Variants in PTPRD observed in about 807,000 individuals in gnomAD.
The protein encoded by PTPRD is receptor-type tyrosine-protein phosphatase delta.
PTPRD carries 34 observed loss-of-function variants against 214.5 expected under a neutral mutation model. The ratio of observed to expected loss-of-function variants is 0.16; its 90% CI spans 0.12 to 0.21. The LOEUF is 0.21. PTPRD is among the 10% of genes least tolerant of loss of function. PTPRD has a pLI of 1.00. For missense variants in PTPRD, 2,545 were observed against 2,398.7 expected (o/e 1.06, Z -1.27); for synonymous variants, 1,128 against 845.7 (o/e 1.33, Z -5.79).
intron 11 of PTPRD, among the ~76,000 whole-genome samples, chr9:8,837,075 G>C (rs2097444467): frequency 6.7e-6 from 1 of 148,882 alleles, no homozygotes; most frequent in Non-Finnish European, 1.5e-5. Flanking sequence ...ACCCAGGCTG[G>C]AGTGCAGTGG....
At chr9:10,535,428 G>A (rs1163268189) in intron 2 of PTPRD, among the ~76,000 whole-genome samples, 2 of 151,886 alleles carry the variant, frequency 1.3e-5, no homozygotes, top group Admixed American at 6.6e-5. Flanking sequence ...ACTTACCGTC[G>A]TGAGCTGTTT....
chr9:8,335,408 T>C (rs540417118), intron 43 of PTPRD, among the ~76,000 whole-genome samples: 16 of 152,284 alleles, frequency 1.1e-4, no homozygotes, highest in African/African-American at 3.4e-4. Flanking sequence ...ATTATCTCAA[T>C]AGATGCAGAA....
intron 9 of PTPRD, among the ~76,000 whole-genome samples, chr9:9,371,345 T>G (rs754940779): frequency 6.6e-6 from 1 of 151,650 alleles, no homozygotes; most frequent in Non-Finnish European, 1.5e-5. Flanking sequence ...CGTTGGGAGG[T>G]TGTATGTGTC....
chr9:9,465,186 G>T (rs1246090663), intron 8 of PTPRD, among the ~76,000 whole-genome samples: 1 of 152,124 alleles, frequency 6.6e-6, no homozygotes, highest in Non-Finnish European at 1.5e-5. Flanking sequence ...CTGTAGAAAT[G>T]TACCAGGTAA....
rs35808416 is a variant in PTPRD at position 10,519,257 on chromosome 9, C to CAAAAAAAA, written c.-600+93133_-600+93140dup. Among the ~76,000 whole-genome samples the CAAAAAAAA allele has an allele frequency of 3.4e-4, 24 of 71,460 alleles. 2 individuals carry two copies. Among genetic ancestry groups the CAAAAAAAA allele is most frequent in the East Asian group, 1.1e-3 (2 of 1,804 alleles). 46.9% of individuals were successfully genotyped at this position (71,460 alleles called of 152,430 possible). ...AGAAGAACTCCTCTCATTTCCTCCA[C>CAAAAAAAA]AAAAAAAAAAAAAAAAAAAAAAAAA... On this transcript the variant is annotated intron_variant, in intron 2 of 45. Transcript: ENST00000381196.
At chr9:9,026,440 C>T (rs1041709328) in intron 10 of PTPRD, among the ~76,000 whole-genome samples, 1 of 151,910 alleles carries the variant, frequency 6.6e-6, no homozygotes, top group Admixed American at 6.6e-5. Flanking sequence ...ATGAGGAAGA[C>T]AATAAAGATC....
At chr9:8,502,284 A>G (rs1014723630) in intron 23 of PTPRD, among the ~76,000 whole-genome samples, 1 of 152,192 alleles carries the variant, frequency 6.6e-6, no homozygotes, top group Non-Finnish European at 1.5e-5. Flanking sequence ...ACACACACGC[A>G]TATATTTTTA....
intron 14 of PTPRD, among the ~76,000 whole-genome samples, chr9:8,564,781 T>C (rs147784939): frequency 4.1e-4 from 63 of 152,310 alleles, no homozygotes; most frequent in African/African-American, 1.5e-3. Flanking sequence ...AAATTTTTAT[T>C]TATCCAAATG....
At chr9:9,043,395 C>A (rs1465426778) in intron 10 of PTPRD, among the ~76,000 whole-genome samples, 2 of 152,102 alleles carry the variant, frequency 1.3e-5, no homozygotes, top group East Asian at 1.9e-4. Context: ...CATTATTAAA[C>A]AATACAGGGT....
intron 14 of PTPRD, among the ~76,000 whole-genome samples, chr9:8,589,257 T>C (rs1486804817): frequency 6.6e-6 from 1 of 152,136 alleles, no homozygotes. Flanking sequence ...GCTCAACATA[T>C]ACCCTTCTGC....
intron 11 of PTPRD, among the ~76,000 whole-genome samples, chr9:8,905,608 G>A (rs764918869): frequency 1.3e-5 from 2 of 151,730 alleles, no homozygotes; most frequent in Non-Finnish European, 2.9e-5. Flanking sequence ...GCATGGTGGC[G>A]AGTGCCTGTA....
chr9:8,905,278 T>C (rs774437582), intron 11 of PTPRD, among the ~76,000 whole-genome samples: 3 of 152,098 alleles, frequency 2.0e-5, no homozygotes, highest in Admixed American at 1.3e-4. Context: ...CCTGTTTTCA[T>C]AGATATGTAT....
intron 10 of PTPRD, among the ~76,000 whole-genome samples, chr9:9,109,298 C>T (rs2099802882): frequency 6.6e-6 from 1 of 152,060 alleles, no homozygotes; most frequent in African/African-American, 2.4e-5. Context: ...ATTTTTCTTT[C>T]AGGACTACAG....
intron 5 of PTPRD, among the ~76,000 whole-genome samples, chr9:9,936,449 A>G (rs2153952420): frequency 6.6e-6 from 1 of 151,684 alleles, no homozygotes; most frequent in African/African-American, 2.4e-5. Flanking sequence ...GAAGACATTT[A>G]TGCAGCCAAA....
At chr9:9,621,158 C>T (rs934008464) in intron 7 of PTPRD, among the ~76,000 whole-genome samples, 5 of 152,194 alleles carry the variant, frequency 3.3e-5, no homozygotes, top group African/African-American at 9.6e-5. Context: ...CATAATATTT[C>T]TCCTAACTGT....
intron 9 of PTPRD, among the ~76,000 whole-genome samples, chr9:9,350,184 T>C (rs1479865897): frequency 2.0e-5 from 3 of 152,026 alleles, no homozygotes; most frequent in African/African-American, 7.2e-5. Flanking sequence ...AAAAAAATGT[T>C]CCTCTCCTGA....
Position 10,369,944 on chromosome 9 carries a change from T to C in PTPRD, c.-599-28927A>G, listed in dbSNP as rs185999515. Reference sequence around the variant, plus strand: ...AGTAGTGAGCTTGTGCTTAATTATATGCGAGGCATTGTCCTAATACTATAC... The same window carrying C: ...AGTAGTGAGCTTGTGCTTAATTATACGCGAGGCATTGTCCTAATACTATAC... On this transcript the variant is annotated intron_variant, in intron 2 of 45. Transcript: ENST00000381196. Among the ~76,000 whole-genome samples the C allele has an allele frequency of 6.6e-3, 1,008 of 152,256 alleles. 15 individuals are homozygous for C. The highest frequency in any genetic ancestry group is 0.023 in the African/African-American group (961 of 41,562).
In PTPRD at chr9:9,853,490, G is replaced by A. The variant is rs372238081; in HGVS notation, c.-368+85017C>T. 3.1e-4 allele frequency among the ~76,000 whole-genome samples: 47 copies of A among 152,172 alleles called. 1 individual carries two copies. The highest frequency in any genetic ancestry group is 9.6e-4 in the African/African-American group (40 of 41,530). On this transcript the variant is annotated intron_variant, in intron 5 of 45. Coordinates refer to ENST00000381196, the MANE Select transcript of PTPRD (RefSeq NM_002839.4). The stretch of plus-strand genomic sequence containing the variant: ...GCTCTACAGTGATTCGGTTCTTAGT[G>A]GTAGTGGCTTATGCAACTGTGTATT...
At chr9:8,748,534 AAAAAAAG>A (rs1231064208) in intron 11 of PTPRD, among the ~76,000 whole-genome samples, 13 of 136,832 alleles carry the variant, frequency 9.5e-5, no homozygotes, top group Admixed American at 2.2e-4. Context: ...AAAAAAAAAA[AAAAAAAG>A]AAAAAGAAAA....
Sources: allele counts gnomAD v4.1 joint callset (sites outside exome capture counted in the v4.1 genomes callset), GRCh38; gene constraint gnomAD v4.1.1; transcripts MANE v1.5; gene names NCBI Gene and HGNC (gene_info 2026-07-23, HGNC 2026-07-21).